Variants in MPDZ observed in about 807,000 individuals in gnomAD.
MPDZ encodes multiple PDZ domain protein.
MPDZ carries 234 observed loss-of-function variants against 239.1 expected under a neutral mutation model. The observed-to-expected ratio is 0.98, with a 90% CI of 0.88 to 1.09. The LOEUF is 1.09. MPDZ is among the 50% of genes least tolerant of loss of function. The pLI is 0.00. For synonymous variants in MPDZ, 1,048 were observed against 881.3 expected (o/e 1.19, Z -3.35); for missense variants, 3,175 against 2,510.0 (o/e 1.26, Z -5.66).
chr9:13,210,921 C>T (rs1957547968), intron 10 of MPDZ, among the ~76,000 whole-genome samples: 1 of 152,108 alleles, frequency 6.6e-6, no homozygotes, highest in South Asian at 2.1e-4. Flanking sequence ...TAGCACAAAG[C>T]CATCTTTCAG....
At chr9:13,257,005 T>A (rs1969603905) in intron 1 of MPDZ, among the ~76,000 whole-genome samples, 1 of 152,198 alleles carries the variant, frequency 6.6e-6, no homozygotes, top group Non-Finnish European at 1.5e-5. Context: ...CTGGGGGTCT[T>A]GGAATGTATC....
At chr9:13,237,760 A>G (rs117050639) in intron 3 of MPDZ, among the ~76,000 whole-genome samples, 1 of 152,312 alleles carries the variant, frequency 6.6e-6, no homozygotes, top group Non-Finnish European at 1.5e-5. Flanking sequence ...GAACATCTGT[A>G]TCTGCCACCT....
chr9:13,156,926 G>C (rs573593575), intron 24 of MPDZ, among the ~76,000 whole-genome samples: 1 of 152,252 alleles, frequency 6.6e-6, no homozygotes, highest in Non-Finnish European at 1.5e-5. Flanking sequence ...CAGCACTATA[G>C]AGAGCTTGGG....
At chr9:13,139,870 T>G in intron 28 of MPDZ, 117 bp downstream of exon 28, 1 of 1,140,418 alleles carries the variant, frequency 8.8e-7, no homozygotes, top group African/African-American at 1.5e-5. Flanking sequence ...CCACACAGAA[T>G]TGCAGTATAT....
At chr9:13,166,598 A>G (rs142620568) in intron 22 of MPDZ, among the ~76,000 whole-genome samples, 84 of 152,210 alleles carry the variant, frequency 5.5e-4, no homozygotes, top group African/African-American at 2.0e-3. Flanking sequence ...TGATTTCCAG[A>G]GGAGGGAAGG....
intron 19 of MPDZ, among the ~76,000 whole-genome samples, chr9:13,181,087 A>G (rs1953254367): frequency 6.6e-6 from 1 of 152,148 alleles, no homozygotes; most frequent in South Asian, 2.1e-4. Flanking sequence ...AGGTAAAATT[A>G]TTTGTTCATA....
intron 32 of MPDZ, among the ~76,000 whole-genome samples, chr9:13,130,771 G>C (rs1563863579): frequency 6.6e-6 from 1 of 152,226 alleles, no homozygotes; most frequent in Non-Finnish European, 1.5e-5. Flanking sequence ...CCAAGGCAAA[G>C]AGGGATAAAT....
intron 22 of MPDZ, 26 bp from the exon 23 acceptor site, chr9:13,162,821 G>C (rs767142496): frequency 6.7e-7 from 1 of 1,494,470 alleles, no homozygotes; most frequent in South Asian, 1.2e-5. Context: ...ATCCATGGAA[G>C]TGAAGGGAAA....
chr9:13,168,797 C>T (rs1951416772), intron 21 of MPDZ, among the ~76,000 whole-genome samples: 1 of 152,084 alleles, frequency 6.6e-6, no homozygotes, highest in Admixed American at 6.6e-5. Context: ...AACAGATCTA[C>T]ATTGTGGAAT....
chr9:13,210,807 T>C (rs780986107), intron 10 of MPDZ, among the ~76,000 whole-genome samples: 1 of 152,100 alleles, frequency 6.6e-6, no homozygotes, highest in Non-Finnish European at 1.5e-5. Flanking sequence ...CCATCATCTG[T>C]TATTCATGGA....
chr9:13,119,912 G>A (rs1457347212), intron 38 of MPDZ: 8 of 412,690 alleles, frequency 1.9e-5, no homozygotes, highest in South Asian at 1.3e-4. Flanking sequence ...GTAGAAGCGT[G>A]TATTACCATT....
At chr9:13,149,708 G>T (rs1948898955) in intron 25 of MPDZ, among the ~76,000 whole-genome samples, 1 of 152,030 alleles carries the variant, frequency 6.6e-6, no homozygotes, top group Non-Finnish European at 1.5e-5. Flanking sequence ...TTGAGTAAAT[G>T]AGTGAGTGAC....
intron 3 of MPDZ, among the ~76,000 whole-genome samples, chr9:13,237,803 T>C (rs1964459383): frequency 6.6e-6 from 1 of 152,192 alleles, no homozygotes; most frequent in South Asian, 2.1e-4. Context: ...CTTGAATTTG[T>C]TGATAAGACT....
At chr9:13,221,102 T>C (rs1274644238) in intron 7 of MPDZ, among the ~76,000 whole-genome samples, 1 of 152,028 alleles carries the variant, frequency 6.6e-6, no homozygotes, top group Non-Finnish European at 1.5e-5. Context: ...TCCACAATTA[T>C]CAAATCCATA....
rs1371966924 is a variant in MPDZ, at chr9:13,222,382, T to C, written c.598A>G (p.Ile200Val). The change falls in exon 6 of 47, where the codon ATT becomes GTT. Residue 200 changes from isoleucine to valine, a missense_variant. Coordinates refer to ENST00000319217, the MANE Select transcript of MPDZ (RefSeq NM_001378778.1). The stretch of plus-strand genomic sequence containing the variant: ...ATGCTGATAGCCTGCTGATGTGTAA[T>C]TGTCTGATCAAGAGCCTGTCCATTG... ...AINGQALDQT[I>V]THQQAISILQ... The C allele has an allele frequency of 8.7e-6, 14 of 1,612,928 alleles. No individual in the cohort carries two copies. The East Asian group carries it at 1.1e-4, about 13-fold the overall frequency.
At position 13,192,563 on chromosome 9, in the gene MPDZ, G is replaced by C. The variant is rs10960967; in HGVS notation, c.1804-268C>G. Among the ~76,000 whole-genome samples the C allele has an allele frequency of 2.8e-4, 42 of 151,844 alleles. No individual in the cohort carries two copies. In the East Asian group the frequency reaches 7.0e-3, roughly 25 times the overall value. On this transcript the variant is annotated intron_variant, in intron 14 of 46. Transcript: ENST00000319217. ...CCAGTGTAGTGGTCTGGAAAAAAGA[G>C]ACAATAAAAATATTTCCAAAGAATG...
chr9:13,114,793 G>A (rs1301014118), intron 40 of MPDZ, among the ~76,000 whole-genome samples: 60 of 151,924 alleles, frequency 3.9e-4, no homozygotes, highest in Non-Finnish European at 2.1e-4. Context: ...CCAGCTACTC[G>A]GGAAGTAGAG....
chr9:13,264,732 T>C (rs1001017170), intron 1 of MPDZ, among the ~76,000 whole-genome samples: 117 of 152,108 alleles, frequency 7.7e-4, no homozygotes, highest in African/African-American at 2.7e-3. Flanking sequence ...TGAACATCCA[T>C]TTTACATACT....
rs1172287952 is a variant in MPDZ, at chr9:13,236,249, G to GTATATA, written c.183+11380_183+11385dup. 1.7e-4 allele frequency among the ~76,000 whole-genome samples: 6 copies of GTATATA among 35,848 alleles called. 2 individuals carry two copies. Among genetic ancestry groups the GTATATA allele is most frequent in the African/African-American group, 5.8e-4 (5 of 8,554 alleles). 23.5% of individuals were successfully genotyped at this position (35,848 alleles called of 152,430 possible). A position where few individuals can be genotyped will look rare whatever the true frequency, so the allele number is the denominator to read the frequency against. On this transcript the variant is annotated intron_variant, in intron 3 of 46. Coordinates refer to ENST00000319217, the MANE Select transcript of MPDZ (RefSeq NM_001378778.1). Reference sequence around the variant, plus strand: ...TGTATATGTATATGTGTGTGTGTGTGTATATATATATATATATATTTTTTT... The same window carrying GTATATA: ...TGTATATGTATATGTGTGTGTGTGTGTATATATATATATATATATATATATTTTTTT...
Sources: allele counts gnomAD v4.1 joint callset (sites outside exome capture counted in the v4.1 genomes callset), GRCh38; gene constraint gnomAD v4.1.1; transcripts MANE v1.5; gene names NCBI Gene and HGNC (gene_info 2026-07-23, HGNC 2026-07-21).